NAV2: variants seen among roughly 807,000 people sequenced by gnomAD.
NAV2 encodes the protein helicase, APC down-regulated 1.
Under a neutral mutation model 223.2 loss-of-function variants are expected in NAV2, and 54 were observed. That is an observed-to-expected ratio of 0.24 (90% CI 0.19 to 0.30). The LOEUF is 0.30. Ranked by LOEUF, NAV2 falls within the 10% of genes least tolerant of loss-of-function variation. The pLI, the probability that NAV2 is intolerant of heterozygous loss-of-function variation, is 1.00. For missense variants in NAV2, 2,806 were observed against 3,147.5 expected, an observed-to-expected ratio of 0.89 and a Z score of 2.60; for synonymous variants, 1,279 against 1,239.3, an observed-to-expected ratio of 1.03 and a Z score of -0.67.
chr11:19,853,081 T>C (rs1267341736), intron 3 of NAV2, among the ~76,000 whole-genome samples: 3 of 152,224 alleles, frequency 2.0e-5, no homozygotes, highest in Non-Finnish European at 2.9e-5. Flanking sequence ...TCAAACTTTA[T>C]ATGTGAGAGG....
Position 19,934,266 on chromosome 11 carries a change from T to A in NAV2, c.2022T>A (p.Pro674=). The A allele has an allele frequency of 6.3e-7, 1 of 1,589,912 alleles. No homozygotes were observed. Among genetic ancestry groups the A allele is most frequent in the Non-Finnish European group, 8.6e-7 (1 of 1,166,914 alleles). ...YNHPNTATVA[P]FLYRSQTDTE... ...ATCCCAACACTGCCACGGTTGCACC[T>A]TTCCTGTACAGGTAGGAGCTGCCAC... is the stretch of plus-strand genomic sequence containing the variant. Residue 674 remains proline (P), a synonymous_variant, in exon 7 of 38, where the codon CCT becomes CCA. Coordinates refer to ENST00000349880, the MANE Select transcript of NAV2 (RefSeq NM_145117.5).
chr11:19,614,683 G>A (rs928616875), intron 1 of NAV2, among the ~76,000 whole-genome samples: 2 of 152,118 alleles, frequency 1.3e-5, no homozygotes, highest in African/African-American at 2.4e-5. Context: ...AGGACAGAGG[G>A]ACCCAGCTCT....
At chr11:20,086,096 G>C (rs1231184564) in intron 26 of NAV2, among the ~76,000 whole-genome samples, 2 of 152,240 alleles carry the variant, frequency 1.3e-5, no homozygotes, top group Non-Finnish European at 2.9e-5. Context: ...GTAGGCTACA[G>C]CCACAGACAT....
chr11:19,557,268 G>A (rs1472649736), intron 1 of NAV2, among the ~76,000 whole-genome samples: 1 of 152,178 alleles, frequency 6.6e-6, no homozygotes, highest in Non-Finnish European at 1.5e-5. Flanking sequence ...CTTGTCCAAG[G>A]TCACACAGTC....
At chr11:19,961,245 C>T (rs770669472) in intron 10 of NAV2, among the ~76,000 whole-genome samples, 2 of 152,080 alleles carry the variant, frequency 1.3e-5, no homozygotes, top group African/African-American at 2.4e-5. Context: ...TCACTGCACC[C>T]GGCCCACGTT....
At position 19,679,681 on chromosome 11, in the gene NAV2, C is replaced by A. The variant is rs1046654726; in HGVS notation, c.76-152803C>A. ...CTGGTTCCTAGGGTGGTTTGGGACA[C>A]CCCGGCTGTGTTCTGTGCTCCCCAC... On this transcript the variant is annotated intron_variant, in intron 1 of 37. Transcript: ENST00000360655. Among the ~76,000 whole-genome samples, 18 of 152,320 alleles carry A rather than the reference C, an allele frequency of 1.2e-4. No individual in the cohort carries two copies. The East Asian group carries it at 2.7e-3, about 23-fold the overall frequency.
chr11:19,976,021 T>TG (rs1288379938), intron 10 of NAV2, among the ~76,000 whole-genome samples: 1 of 152,212 alleles, frequency 6.6e-6, no homozygotes, highest in Admixed American at 6.5e-5. Flanking sequence ...TGCCATGCTA[T>TG]TGAAATATTG....
chr11:19,738,259 C>T (rs2052499504), intron 1 of NAV2, among the ~76,000 whole-genome samples: 1 of 152,238 alleles, frequency 6.6e-6, no homozygotes, highest in Non-Finnish European at 1.5e-5. Context: ...TCCCTCAGTG[C>T]CAGCTATGCT....
chr11:19,440,921 A>G (rs1206948923), intron 1 of NAV2, among the ~76,000 whole-genome samples: 14 of 152,232 alleles, frequency 9.2e-5, no homozygotes, highest in Non-Finnish European at 1.9e-4. Context: ...AAACCAGTAC[A>G]GAAAAAATGC....
rs750271178 is a variant in NAV2 at position 19,626,966 on chromosome 11, C to CA, written c.76-205516dup. Among the ~76,000 whole-genome samples the CA allele has an allele frequency of 2.6e-5, 4 of 152,286 alleles. No individual in the cohort carries two copies. In the South Asian group the frequency reaches 6.2e-4, roughly 24 times the overall value. On this transcript the variant is annotated intron_variant, in intron 1 of 37. Coordinates refer to the NAV2 transcript ENST00000360655. The stretch of plus-strand genomic sequence containing the variant: ...TAGCTGAGACCGTAATTAGAAAGTG[C>CA]AATATGTACCCAATATGACATGAAA...
At chr11:19,593,911 T>C (rs1255457775) in intron 1 of NAV2, among the ~76,000 whole-genome samples, 2 of 152,152 alleles carry the variant, frequency 1.3e-5, no homozygotes, top group African/African-American at 4.8e-5. Context: ...ATGTGGAGTT[T>C]TGAGTATTCT....
intron 1 of NAV2, among the ~76,000 whole-genome samples, chr11:19,619,097 G>T (rs10833136): frequency 0.97 from 143,413 of 148,486 alleles, 69,352 homozygotes; most frequent in Non-Finnish European, 1. Flanking sequence ...CTCATCCTGT[G>T]TTATGGCTGC....
intron 1 of NAV2, among the ~76,000 whole-genome samples, chr11:19,609,641 C>T (rs368512726): frequency 1.3e-5 from 2 of 152,160 alleles, no homozygotes; most frequent in Non-Finnish European, 2.9e-5. Context: ...ATCATGTGTA[C>T]CCCAAGGGCT....
At chr11:19,564,573 G>A (rs914240403) in intron 1 of NAV2, among the ~76,000 whole-genome samples, 10 of 152,062 alleles carry the variant, frequency 6.6e-5, no homozygotes, top group Middle Eastern at 3.2e-3. Context: ...ATTTGGAGGA[G>A]CAACTGCGTG....
At chr11:20,070,393 T>G (rs2059324488) in intron 22 of NAV2, among the ~76,000 whole-genome samples, 1 of 152,206 alleles carries the variant, frequency 6.6e-6, no homozygotes, top group African/African-American at 2.4e-5. Flanking sequence ...AGTAGTTAAC[T>G]TACTTTCCGG....
At chr11:19,894,606 G>C (rs1029571501) in intron 6 of NAV2, among the ~76,000 whole-genome samples, 2 of 152,196 alleles carry the variant, frequency 1.3e-5, no homozygotes, top group African/African-American at 2.4e-5. Flanking sequence ...CTGGGCAAAG[G>C]CTCCCATATC....
chr11:19,459,879 T>C (rs930347883), intron 1 of NAV2, among the ~76,000 whole-genome samples: 1 of 152,146 alleles, frequency 6.6e-6, no homozygotes, highest in African/African-American at 2.4e-5. Context: ...TGTCTTAGGA[T>C]GATTAATACT....
At chr11:19,818,242 T>TC (rs1315427789) in intron 1 of NAV2, among the ~76,000 whole-genome samples, 1 of 133,608 alleles carries the variant, frequency 7.5e-6, no homozygotes, top group East Asian at 2.1e-4. Context: ...TTTTTTTTTT[T>TC]TTTTTTTTTT....
At chr11:20,069,327 G>A (rs990538441) in intron 22 of NAV2, among the ~76,000 whole-genome samples, 5 of 152,070 alleles carry the variant, frequency 3.3e-5, no homozygotes, top group Admixed American at 2.6e-4. Flanking sequence ...GAGAGGTAAG[G>A]GTGGAGAGGG....
Sources: allele counts gnomAD v4.1 joint callset (sites outside exome capture counted in the v4.1 genomes callset), GRCh38; gene constraint gnomAD v4.1.1; transcripts MANE v1.5; gene names NCBI Gene and HGNC (gene_info 2026-07-23, HGNC 2026-07-21).